NPC1: variants seen among roughly 807,000 people sequenced by gnomAD.
NPC1 encodes the protein NPC intracellular cholesterol transporter 1, also known as Niemann-Pick C1 protein.
NPC1 carries 85 observed loss-of-function variants against 140.4 expected under a neutral mutation model. The observed-to-expected ratio is 0.61, with a 90% confidence interval of 0.51 to 0.72. The LOEUF (loss-of-function observed/expected upper bound fraction) is 0.72, where lower values mean the gene tolerates loss of function less well. NPC1 is among the 30% of genes least tolerant of loss of function. The pLI is 0.00. For synonymous variants in NPC1, 656 were observed against 624.8 expected (o/e 1.05, Z -0.74); for missense variants, 1,504 against 1,623.8 (o/e 0.93, Z 1.27).
In NPC1 at chr18:23,542,477, G is replaced by T. The variant is rs527828905; in HGVS notation, c.2245+978C>A. On this transcript the variant is annotated intron_variant, in intron 14 of 24. Coordinates refer to ENST00000269228, the MANE Select transcript of NPC1 (RefSeq NM_000271.5). Reference sequence around the variant, plus strand: ...GCCCGTGGATGGTCTTCTTTGGACTGAGTGATTCCAGTCCAGCCTCCCCTA... The same window carrying T: ...GCCCGTGGATGGTCTTCTTTGGACTTAGTGATTCCAGTCCAGCCTCCCCTA... 2.6e-5 allele frequency among the ~76,000 whole-genome samples: 4 copies of T among 152,278 alleles called. No individual in the cohort carries two copies. The South Asian group carries it at 8.3e-4, about 32-fold the overall frequency.
downstream of NPC1, chr18:23,529,000 C>T: frequency 1.0e-6 from 1 of 981,392 alleles, no homozygotes. Context: ...CTGCCTCAGC[C>T]TCCTGAGTAG....
At position 23,532,129 on chromosome 18, in the gene NPC1, C is replaced by A; in HGVS notation, c.*73G>T. ...CATCCGGTGTTCAACTTGGCCTTGC[C>A]GATGCAGCACCCGTCCAGTGGTAAA... is the stretch of plus-strand genomic sequence containing the variant. On this transcript the variant is annotated 3_prime_UTR_variant, in exon 25 of 25. Transcript: ENST00000269228. The A allele has an allele frequency of 6.2e-7, 1 of 1,613,898 alleles. No homozygotes were observed.
chr18:23,574,283 C>T (rs757363071), intron 1 of NPC1, among the ~76,000 whole-genome samples: 8 of 152,146 alleles, frequency 5.3e-5, no homozygotes, highest in Non-Finnish European at 5.9e-5. Flanking sequence ...GCTCTGAAGG[C>T]TGCTGCCCAA....
downstream of NPC1, among the ~76,000 whole-genome samples, chr18:23,524,987 C>T (rs2058253957): frequency 8.1e-6 from 1 of 123,028 alleles, no homozygotes. Flanking sequence ...TTGCTCGTTG[C>T]CCAGGCTGGA....
chr18:23,583,106 C>CAA (rs3083464), intron 1 of NPC1, among the ~76,000 whole-genome samples: 56,823 of 109,700 alleles, frequency 0.52, 15,365 homozygotes, highest in Non-Finnish European at 0.58. Flanking sequence ...GACCCTGTTT[C>CAA]AAAAAAAAAA....
At chr18:23,578,306 C>G (rs2059316470) in intron 1 of NPC1, among the ~76,000 whole-genome samples, 1 of 152,240 alleles carries the variant, frequency 6.6e-6, no homozygotes, top group African/African-American at 2.4e-5. Flanking sequence ...TCCAAGGTCA[C>G]AGTGGCAAAG....
chr18:23,532,254 G>A lies in NPC1; in HGVS notation c.3785C>T (p.Ala1262Val). The A allele has an allele frequency of 6.2e-7, 1 of 1,614,138 alleles. No individual in the cohort carries two copies. The highest frequency in any genetic ancestry group is 8.5e-7 in the Non-Finnish European group (1 of 1,180,026). ...TGTTCCTTTGTATCGCTCTTCAGTG[G>A]CACAACTTTTGGCTTTATTTACTGA... ...GPSVNKAKSC[A>V]TEERYKGTER... Residue 1262 changes from alanine (A) to valine (V), a missense_variant, in exon 25 of 25, where the codon GCC becomes GTC. Transcript: ENST00000269228.
At chr18:23,538,401 C>T in intron 20 of NPC1, 141 bp downstream of exon 20, 1 of 1,071,192 alleles carries the variant, frequency 9.3e-7, no homozygotes, top group Non-Finnish European at 1.4e-6. Context: ...TTCGGTTTTC[C>T]TGCTTCCACC....
Position 23,516,945 on chromosome 18 carries a change from C to T in NPC1, c.432-10303G>A, listed in dbSNP as rs369685748. Among the ~76,000 whole-genome samples the T allele has an allele frequency of 9.9e-5, 15 of 151,930 alleles. No homozygotes were observed. In the East Asian group the frequency reaches 2.1e-3, roughly 22 times the overall value. ...TTCACCATGTTGGCCAGGCTGGTCT[C>T]GAACTCCTGACCTCAAGTGATCCAC... On this transcript the variant is annotated intron_variant, in intron 3 of 3. Transcript: ENST00000591107.
In NPC1 at chr18:23,556,257, G is replaced by C. The variant is rs750292546; in HGVS notation, c.1312C>G (p.Gln438Glu). 6.2e-7 allele frequency: 1 copy of C among 1,614,120 alleles called. No homozygotes were observed. Among genetic ancestry groups the C allele is most frequent in the Non-Finnish European group, 8.5e-7 (1 of 1,179,992 alleles). Residue 438 changes from glutamine to glutamate, a missense_variant, in exon 8 of 25, where the codon CAG becomes GAG. Physicochemically the swap from Gln to Glu is conservative, Grantham distance 29 (BLOSUM62 2). Transcript: ENST00000269228. The stretch of plus-strand genomic sequence containing the variant: ...CAGCAGGTTACCTGGTGCAGTATCT[G>C]TATGTCAAGCGGAGGTCCAAAGGGT... ...DVPFGPPLDI[Q>E]ILHQVLDLQI...
chr18:23,564,244 A>G (rs183980529), intron 4 of NPC1, among the ~76,000 whole-genome samples: 2 of 152,170 alleles, frequency 1.3e-5, no homozygotes, highest in Admixed American at 6.5e-5. Flanking sequence ...TTGGCCCCCC[A>G]AAGTGCTGGG....
At chr18:23,525,571 T>C (rs552285978), downstream of NPC1, among the ~76,000 whole-genome samples, 1 of 152,148 alleles carries the variant, frequency 6.6e-6, no homozygotes, top group Admixed American at 6.5e-5. Context: ...ATTACAGGCA[T>C]GCGCCACCAC....
At chr18:23,556,990 G>A (rs2058962923) in intron 7 of NPC1, 127 bp downstream of exon 7, 1 of 802,480 alleles carries the variant, frequency 1.2e-6, no homozygotes, top group Admixed American at 2.0e-5. Flanking sequence ...TGTCTGCCTT[G>A]GTCGCAGCCG....
At chr18:23,574,690 G>A (rs2059250276) in intron 1 of NPC1, among the ~76,000 whole-genome samples, 1 of 152,156 alleles carries the variant, frequency 6.6e-6, no homozygotes, top group Admixed American at 6.5e-5. Context: ...TTTTTCAGAT[G>A]TTCTAAAATA....
At chr18:23,545,189 A>T in intron 11 of NPC1, 40 bp from the exon 12 acceptor site, 1 of 1,419,122 alleles carries the variant, frequency 7.0e-7, no homozygotes, top group African/African-American at 1.4e-5. Flanking sequence ...AGTTAAACTA[A>T]CTGACAGCTA....
chr18:23,534,323 T>C, intron 23 of NPC1, 123 bp downstream of exon 23: 3 of 735,450 alleles, frequency 4.1e-6, no homozygotes, highest in Non-Finnish European at 7.2e-6. Flanking sequence ...AATTCATGAA[T>C]TGCCTGAAAG....
chr18:23,508,000 A>C (rs1689896207), intron 3 of NPC1: 1 of 1,610,786 alleles, frequency 6.2e-7, no homozygotes, highest in Non-Finnish European at 8.5e-7. Context: ...TTGTAATTTT[A>C]TCCCTGATAA....
intron 13 of NPC1, 54 bp from the exon 14 acceptor site, chr18:23,543,623 C>T: frequency 9.8e-7 from 1 of 1,016,812 alleles, no homozygotes; most frequent in Non-Finnish European, 1.5e-6. Context: ...AATAACAACG[C>T]CATTTCTTGC....
intron 3 of NPC1, chr18:23,515,930 C>T (rs764440148): frequency 5.1e-5 from 82 of 1,614,002 alleles, no homozygotes; most frequent in South Asian, 8.8e-5. Flanking sequence ...TGTACTGCCC[C>T]GAGAGCGCCG....
Sources: gnomAD v4.1 joint callset for allele counts (sites outside exome capture counted in the v4.1 genomes callset) on GRCh38, gnomAD v4.1.1 for gene constraint, MANE v1.5 for transcripts, NCBI Gene and HGNC (gene_info 2026-07-23, HGNC 2026-07-21) for gene names.